Variants in TMEM71 observed in about 807,000 individuals in gnomAD.
TMEM71 encodes transmembrane protein 71.
Under a neutral mutation model 38.0 loss-of-function variants are expected in TMEM71, and 44 were observed. The ratio of observed to expected loss-of-function variants is 1.16; its 90% CI spans 0.91 to 1.49. The LOEUF is 1.49. Ranked by LOEUF, TMEM71 falls within the 40% of genes most tolerant of loss-of-function variation. The pLI is 0.00. For synonymous variants in TMEM71, 133 were observed against 122.5 expected (o/e 1.09, Z -0.56); for missense variants, 367 against 348.6 (o/e 1.05, Z -0.42).
downstream of TMEM71, among the ~76,000 whole-genome samples, chr8:132,707,957 C>G (rs190270876): frequency 7.4e-4 from 112 of 152,210 alleles, 1 homozygote; most frequent in South Asian, 3.9e-3. Context: ...TAGACTGGCT[C>G]TTGGCACATG....
chr8:132,763,009 A>G (rs1214610441), upstream of TMEM71, among the ~76,000 whole-genome samples: 1 of 152,168 alleles, frequency 6.6e-6, no homozygotes, highest in Non-Finnish European at 1.5e-5. Context: ...TTCTCTCTTG[A>G]GACCCACTCA....
At position 132,710,639 on chromosome 8, in the gene TMEM71, T is replaced by C; in HGVS notation, c.*328A>G. The C allele has an allele frequency of 2.1e-6, 1 of 487,390 alleles. No individual in the cohort carries two copies. Among genetic ancestry groups the C allele is most frequent in the Non-Finnish European group, 3.6e-6 (1 of 281,314 alleles). 30.2% of individuals were successfully genotyped at this position (487,390 alleles called of 1,614,324 possible). A position where few individuals can be genotyped will look rare whatever the true frequency, so the allele number is the denominator to read the frequency against. ...TCCTCACAGAATTTCCTAATGAAAA[T>C]TCAAGCTCGAGAACCACTGCCTTAA... On this transcript the variant is annotated 3_prime_UTR_variant, in exon 10 of 10. Transcript: ENST00000677595.
intron 5 of TMEM71, among the ~76,000 whole-genome samples, chr8:132,738,764 T>A (rs1428877247): frequency 6.6e-6 from 1 of 152,188 alleles, no homozygotes; most frequent in Non-Finnish European, 1.5e-5. Flanking sequence ...AAAACTAGAA[T>A]CACTCAATTT....
downstream of TMEM71, among the ~76,000 whole-genome samples, chr8:132,709,600 G>T (rs1374238574): frequency 6.6e-6 from 1 of 152,040 alleles, no homozygotes; most frequent in African/African-American, 2.4e-5. Flanking sequence ...AGAGGAGAAG[G>T]TGATGTAATG....
At chr8:132,775,133 T>C in the TMEM71 span, among the ~76,000 whole-genome samples, 46 of 152,330 alleles carry the variant, frequency 3.0e-4, no homozygotes, top group Admixed American at 2.9e-3. Context: ...TAATAAACAA[T>C]GCCCTTCGTC....
intron 5 of TMEM71, among the ~76,000 whole-genome samples, chr8:132,733,741 G>A (rs780449627): frequency 2.0e-5 from 3 of 152,192 alleles, no homozygotes; most frequent in Admixed American, 6.5e-5. Context: ...CCAAGATGCG[G>A]AAGCAGCCTA....
chr8:132,773,305 C>T, the TMEM71 span, among the ~76,000 whole-genome samples: 1 of 152,176 alleles, frequency 6.6e-6, no homozygotes, highest in Admixed American at 6.5e-5. Context: ...CAGAGGATTA[C>T]TAAGCCTATA....
At chr8:132,772,295 A>G in the TMEM71 span, among the ~76,000 whole-genome samples, 1 of 152,182 alleles carries the variant, frequency 6.6e-6, no homozygotes, top group Admixed American at 6.5e-5. Context: ...CTGTTGTTTC[A>G]AGATAATTTG....
the TMEM71 span, among the ~76,000 whole-genome samples, chr8:132,768,713 T>G: frequency 6.6e-6 from 1 of 152,252 alleles, no homozygotes; most frequent in Non-Finnish European, 1.5e-5. Context: ...GCCTCAATAC[T>G]TTGACTAAGG....
At chr8:132,732,655 G>C (rs1827523267) in intron 5 of TMEM71, among the ~76,000 whole-genome samples, 1 of 152,180 alleles carries the variant, frequency 6.6e-6, no homozygotes, top group Non-Finnish European at 1.5e-5. Context: ...GAGATTCCCA[G>C]TCTCCCATTC....
chr8:132,761,317 C>T (rs1241193642), upstream of TMEM71, among the ~76,000 whole-genome samples: 1 of 152,182 alleles, frequency 6.6e-6, no homozygotes, highest in Non-Finnish European at 1.5e-5. Flanking sequence ...ACTTACCCCT[C>T]TGAGTTGCAG....
intron 5 of TMEM71, 27 bp from the exon 6 acceptor site, chr8:132,728,013 AGTGTGTGTGTGTGTGTGT>A: frequency 9.3e-7 from 1 of 1,079,624 alleles, no homozygotes; most frequent in Non-Finnish European, 1.3e-6. Flanking sequence ...GTTCAGTGTG[AGTGTGTGTGTGTGTGTGT>A]GTGTGTGTGT....
At chr8:132,753,771 A>G (rs1288486558) in intron 3 of TMEM71, among the ~76,000 whole-genome samples, 1 of 152,170 alleles carries the variant, frequency 6.6e-6, no homozygotes, top group African/African-American at 2.4e-5. Context: ...ACGAGAAAAA[A>G]ATCTCCATTA....
intron 5 of TMEM71, among the ~76,000 whole-genome samples, chr8:132,739,930 A>G (rs1248260719): frequency 1.3e-5 from 2 of 152,156 alleles, no homozygotes; most frequent in African/African-American, 4.8e-5. Context: ...TCAAGCTGCC[A>G]TTATCTCCCA....
the TMEM71 span, among the ~76,000 whole-genome samples, chr8:132,767,606 C>A: frequency 2.9e-3 from 444 of 152,092 alleles, 7 homozygotes; most frequent in Admixed American, 0.018. Context: ...TCCTGAGTAG[C>A]TGGGACTACA....
In TMEM71 at chr8:132,727,905, G is replaced by T; in HGVS notation, c.569C>A (p.Ser190Tyr). 6.2e-7 allele frequency: 1 copy of T among 1,614,148 alleles called. No homozygotes were observed. Among genetic ancestry groups the T allele is most frequent in the South Asian group, 1.1e-5 (1 of 91,082 alleles). Residue 190 changes from serine to tyrosine, a missense_variant, in exon 6 of 10, where the codon TCC (serine) becomes TAC (tyrosine). By Grantham distance (144) the Ser-to-Tyr change is moderately radical (BLOSUM62 -2). Coordinates refer to ENST00000677595, the MANE Select transcript of TMEM71 (RefSeq NM_001382403.1). ...MNAESVITSS[S>Y]SHIISQPPGG... ...AGGAGGCTGAGATATGATGTGGCTGGAAGAGGAGGTGATCACAGACTCTGC... is the reference window on the plus strand; with the variant it reads ...AGGAGGCTGAGATATGATGTGGCTGTAAGAGGAGGTGATCACAGACTCTGC...
At chr8:132,768,250 T>C in the TMEM71 span, among the ~76,000 whole-genome samples, 12 of 152,264 alleles carry the variant, frequency 7.9e-5, no homozygotes, top group Admixed American at 6.5e-4. Flanking sequence ...AAATTCATTG[T>C]AGTACTTTCA....
chr8:132,725,215 A>C (rs964838903), intron 6 of TMEM71, among the ~76,000 whole-genome samples: 3 of 151,978 alleles, frequency 2.0e-5, no homozygotes, highest in Admixed American at 2.0e-4. Flanking sequence ...TTTTTTGTAG[A>C]AATGGGGTCT....
upstream of TMEM71, among the ~76,000 whole-genome samples, chr8:132,763,681 T>G (rs772752468): frequency 5.3e-5 from 8 of 152,212 alleles, no homozygotes; most frequent in Non-Finnish European, 8.8e-5. Context: ...CTTGAGAATC[T>G]TTTGGTCACA....
Sources: gnomAD v4.1 joint callset for allele counts (sites outside exome capture counted in the v4.1 genomes callset) on GRCh38, gnomAD v4.1.1 for gene constraint, MANE v1.5 for transcripts, NCBI Gene and HGNC (gene_info 2026-07-23, HGNC 2026-07-21) for gene names.